The following RGS6 variants were observed in gnomAD, a reference collection of about 807,000 sequenced individuals.
RGS6 encodes regulator of G protein signaling 6.
Under a neutral mutation model 78.5 loss-of-function variants are expected in RGS6, and 30 were observed. That is an observed-to-expected ratio of 0.38 (90% CI 0.29 to 0.52). RGS6 has a LOEUF of 0.52. RGS6 is among the 20% of genes least tolerant of loss of function. RGS6 has a pLI of 0.85. For synonymous variants in RGS6, 206 were observed against 206.0 expected, an observed-to-expected ratio of 1.00 and a Z score of 0.00; for missense variants, 495 against 609.7, an observed-to-expected ratio of 0.81 and a Z score of 1.98.
intron 2 of RGS6, among the ~76,000 whole-genome samples, chr14:72,152,243 A>AGAGT (rs1555510281): frequency 1.6e-5 from 2 of 125,158 alleles, no homozygotes; most frequent in African/African-American, 2.7e-5. Context: ...AGAGAGAGAG[A>AGAGT]GAGTGTGTGT....
intron 1 of RGS6, among the ~76,000 whole-genome samples, chr14:71,948,740 CTTTTTT>C (rs71305831): frequency 6.1e-5 from 4 of 65,180 alleles, no homozygotes; most frequent in Non-Finnish European, 1.0e-4. Flanking sequence ...CTCTCTCTCT[CTTTTTT>C]TTTTTTTTTT....
intron 2 of RGS6, among the ~76,000 whole-genome samples, chr14:72,191,127 G>T (rs566409758): frequency 1.3e-5 from 2 of 152,306 alleles, no homozygotes; most frequent in African/African-American, 4.8e-5. Flanking sequence ...TGATCCTCTT[G>T]CTTAAAACCC....
chr14:72,248,073 A>G (rs12432346), intron 2 of RGS6, among the ~76,000 whole-genome samples: 92,661 of 152,052 alleles, frequency 0.61, 28,777 homozygotes, highest in Middle Eastern at 0.71. Flanking sequence ...TGTGTTCCCT[A>G]TCTTAAGCCA....
At chr14:72,624,333 C>CTTTTTTTTTTTTTTTTTTT in the RGS6 span, among the ~76,000 whole-genome samples, 10 of 97,796 alleles carry the variant, frequency 1.0e-4, no homozygotes, top group African/African-American at 3.9e-4. Flanking sequence ...ACCTATGTCT[C>CTTTTTTTTTTTTTTTTTTT]TTTTTTTTTT....
intron 2 of RGS6, among the ~76,000 whole-genome samples, chr14:72,229,677 ATTAAC>A (rs2049059797): frequency 6.6e-6 from 1 of 152,330 alleles, no homozygotes. Flanking sequence ...CACAGATCAA[ATTAAC>A]TTAAGAAACA....
intron 2 of RGS6, among the ~76,000 whole-genome samples, chr14:72,231,883 A>G (rs942057620): frequency 1.3e-5 from 2 of 152,080 alleles, no homozygotes; most frequent in Non-Finnish European, 2.9e-5. Context: ...ACAAGGAGCC[A>G]TGTTGGGTGT....
chr14:72,145,609 G>A (rs2096597571), intron 2 of RGS6, among the ~76,000 whole-genome samples: 1 of 152,148 alleles, frequency 6.6e-6, no homozygotes, highest in Admixed American at 6.5e-5. Flanking sequence ...CTCCCAAGTA[G>A]GTAGGATTAC....
chr14:72,241,980 T>C (rs560191818), intron 2 of RGS6, among the ~76,000 whole-genome samples: 53 of 152,378 alleles, frequency 3.5e-4, no homozygotes, highest in African/African-American at 1.3e-3. Flanking sequence ...TGAGATATGC[T>C]GGAACATCAA....
At chr14:72,027,936 T>G (rs1567049903) in intron 2 of RGS6, among the ~76,000 whole-genome samples, 1 of 152,198 alleles carries the variant, frequency 6.6e-6, no homozygotes. Flanking sequence ...TTTTGTTAAT[T>G]TTTGAAGCAT....
intron 2 of RGS6, among the ~76,000 whole-genome samples, chr14:72,323,332 T>C (rs1349074874): frequency 6.6e-6 from 1 of 151,854 alleles, no homozygotes; most frequent in East Asian, 1.9e-4. Flanking sequence ...AATTTTTAAA[T>C]GCTACTGAGA....
intron 13 of RGS6, among the ~76,000 whole-genome samples, chr14:72,505,213 G>A (rs1451051806): frequency 6.6e-6 from 1 of 152,084 alleles, no homozygotes; most frequent in East Asian, 1.9e-4. Flanking sequence ...AGTCTGTTAG[G>A]ACTGCTGTTA....
chr14:72,234,441 C>T (rs922813329), intron 2 of RGS6, among the ~76,000 whole-genome samples: 4 of 152,080 alleles, frequency 2.6e-5, no homozygotes, highest in African/African-American at 7.2e-5. Flanking sequence ...TTCTGTGAAC[C>T]AGATACATAT....
At chr14:72,473,166 G>A (rs912400363) in intron 9 of RGS6, among the ~76,000 whole-genome samples, 7 of 152,158 alleles carry the variant, frequency 4.6e-5, no homozygotes, top group African/African-American at 1.4e-4. Context: ...TCATTCGGCC[G>A]GGCATGGCGG....
intron 3 of RGS6, among the ~76,000 whole-genome samples, chr14:72,366,157 T>G (rs895503899): frequency 1.3e-5 from 2 of 152,200 alleles, no homozygotes; most frequent in African/African-American, 4.8e-5. Context: ...CTTCTATGAT[T>G]TTGAGTTTGA....
intron 2 of RGS6, among the ~76,000 whole-genome samples, chr14:72,096,626 C>A (rs535688704): frequency 7.2e-5 from 11 of 152,152 alleles, no homozygotes; most frequent in Non-Finnish European, 1.3e-4. Context: ...GTCTCTTATG[C>A]CCTGGCTCTT....
chr14:72,251,815 A>G (rs543120467), intron 2 of RGS6, among the ~76,000 whole-genome samples: 2 of 152,342 alleles, frequency 1.3e-5, no homozygotes, highest in South Asian at 2.1e-4. Flanking sequence ...GCTTCACACA[A>G]TATACCCATG....
chr14:72,086,149 C>CTG (rs1248219839), intron 2 of RGS6, among the ~76,000 whole-genome samples: 1 of 152,198 alleles, frequency 6.6e-6, no homozygotes, highest in Non-Finnish European at 1.5e-5. Context: ...TCCAGTTAAG[C>CTG]TGTGTGCATC....
intron 3 of RGS6, among the ~76,000 whole-genome samples, chr14:72,423,206 C>G (rs78382065): frequency 0.043 from 6,506 of 152,182 alleles, 480 homozygotes; most frequent in African/African-American, 0.15. Flanking sequence ...AACATGGGTG[C>G]CAGACATAGC....
intron 2 of RGS6, among the ~76,000 whole-genome samples, chr14:72,066,482 TTTAA>T (rs1288935131): frequency 2.8e-5 from 4 of 144,562 alleles, no homozygotes; most frequent in African/African-American, 1.0e-4. Context: ...ATATATTTTA[TTTAA>T]TCTTGTCAGA....
Sources: allele counts gnomAD v4.1 joint callset (sites outside exome capture counted in the v4.1 genomes callset), GRCh38; gene constraint gnomAD v4.1.1; transcripts MANE v1.5; gene names NCBI Gene and HGNC (gene_info 2026-07-23, HGNC 2026-07-21).